ADGRG6: variants seen among roughly 807,000 people sequenced by gnomAD.
ADGRG6 encodes adhesion G protein-coupled receptor G6.
Under a neutral mutation model 142.4 loss-of-function variants are expected in ADGRG6, and 84 were observed. The ratio of observed to expected loss-of-function variants is 0.59; its 90% CI spans 0.49 to 0.71. The LOEUF is 0.71. Among genes scored for constraint, ADGRG6 ranks in the 30% least tolerant of loss-of-function variants. The pLI is 0.00. For synonymous variants in ADGRG6, 521 were observed against 520.5 expected (o/e 1.00, Z -0.01); for missense variants, 1,367 against 1,466.6 (o/e 0.93, Z 1.11).
intron 22 of ADGRG6, among the ~76,000 whole-genome samples, chr6:142,432,732 G>A (rs1777273584): frequency 6.6e-6 from 1 of 152,094 alleles, no homozygotes; most frequent in Non-Finnish European, 1.5e-5. Context: ...TATCCTCTCT[G>A]GCTGTGCTTA....
intron 2 of ADGRG6, among the ~76,000 whole-genome samples, chr6:142,324,202 T>G (rs1017925789): frequency 2.0e-5 from 3 of 152,072 alleles, no homozygotes; most frequent in African/African-American, 4.8e-5. Context: ...GCCTTCTGTC[T>G]TCCTCTGCAA....
chr6:142,414,679 A>G (rs1040526), intron 18 of ADGRG6, among the ~76,000 whole-genome samples: 60,309 of 152,068 alleles, frequency 0.4, 13,618 homozygotes, highest in African/African-American at 0.62. Flanking sequence ...TTCTGTTGAG[A>G]GTCCTGGTGG....
At chr6:142,327,746 A>G (rs1778848617) in intron 2 of ADGRG6, among the ~76,000 whole-genome samples, 1 of 152,100 alleles carries the variant, frequency 6.6e-6, no homozygotes, top group African/African-American at 2.4e-5. Context: ...ACTTTTTTAC[A>G]AATCTTTTGA....
Position 142,436,797 on chromosome 6 carries a change from G to A in ADGRG6, c.3320-637G>A, listed in dbSNP as rs10457740. ...CTAAGATACAAATGACACAGATTTT[G>A]ATAAGCACAAGGAGTGACTATAAAT... is the stretch of plus-strand genomic sequence containing the variant. On this transcript the variant is annotated intron_variant, in intron 22 of 24. Transcript: ENST00000367609. 1.5e-3 allele frequency among the ~76,000 whole-genome samples: 235 copies of A among 152,142 alleles called. 2 individuals are homozygous for A. Among genetic ancestry groups the A allele is most frequent in the Non-Finnish European group, 2.6e-3 (180 of 68,016 alleles).
intron 4 of ADGRG6, among the ~76,000 whole-genome samples, chr6:142,377,304 C>T (rs180915212): frequency 6.6e-6 from 1 of 152,220 alleles, no homozygotes; most frequent in Admixed American, 6.5e-5. Flanking sequence ...CCAACAGGCC[C>T]TCCACCTCAC....
intron 2 of ADGRG6, among the ~76,000 whole-genome samples, chr6:142,327,618 CT>C (rs1442070273): frequency 6.6e-6 from 1 of 152,104 alleles, no homozygotes; most frequent in Non-Finnish European, 1.5e-5. Context: ...ACTTCCCTTT[CT>C]CTGCAAGAGT....
chr6:142,351,829 C>T (rs1039919919), intron 2 of ADGRG6, among the ~76,000 whole-genome samples: 1 of 152,122 alleles, frequency 6.6e-6, no homozygotes, highest in East Asian at 1.9e-4. Flanking sequence ...CTATAAGGAA[C>T]TTGAACGGAT....
intron 2 of ADGRG6, among the ~76,000 whole-genome samples, chr6:142,318,042 TTA>T (rs1331948340): frequency 1.8e-5 from 1 of 55,638 alleles, no homozygotes; most frequent in Non-Finnish European, 2.9e-5. Flanking sequence ...TAATATATAT[TTA>T]TGTTATATAT....
intron 18 of ADGRG6, among the ~76,000 whole-genome samples, chr6:142,413,786 G>C (rs1184197364): frequency 6.6e-6 from 1 of 152,110 alleles, no homozygotes; most frequent in East Asian, 1.9e-4. Context: ...CTCAGACTCT[G>C]AGCCTCTGCT....
intron 16 of ADGRG6, 98 bp from the exon 17 acceptor site, chr6:142,409,776 A>G (rs1299072900): frequency 1.2e-5 from 7 of 578,978 alleles, no homozygotes; most frequent in Admixed American, 1.0e-4. Flanking sequence ...ATACTAATCT[A>G]TTTCTTTGTG....
rs571761466 is a variant in ADGRG6 at position 142,435,586 on chromosome 6, A to G, written c.3320-1848A>G. Among the ~76,000 whole-genome samples the G allele has an allele frequency of 6.0e-4, 91 of 152,320 alleles. 1 individual carries two copies. Among genetic ancestry groups the G allele is most frequent in the Non-Finnish European group, 1.6e-4 (11 of 68,012 alleles). ...TTAACTCATGTAGACTACATGATTG[A>G]TTGATCTTGGTTACCATTCATTCCA... On this transcript the variant is annotated intron_variant, in intron 22 of 24. Coordinates refer to ENST00000367609, the MANE Select transcript of ADGRG6 (RefSeq NM_198569.3).
At chr6:142,430,668 C>T (rs934383034) in intron 22 of ADGRG6, among the ~76,000 whole-genome samples, 4 of 152,096 alleles carry the variant, frequency 2.6e-5, no homozygotes, top group African/African-American at 9.7e-5. Flanking sequence ...AACACAACCC[C>T]ATATAGTCTA....
chr6:142,343,240 G>C (rs1218890092), intron 2 of ADGRG6, among the ~76,000 whole-genome samples: 1 of 151,310 alleles, frequency 6.6e-6, no homozygotes, highest in African/African-American at 2.4e-5. Flanking sequence ...AAACTTAAAT[G>C]GTATTTACTT....
chr6:142,412,758 CA>C (rs911558491), intron 18 of ADGRG6, among the ~76,000 whole-genome samples: 2 of 152,082 alleles, frequency 1.3e-5, no homozygotes, highest in African/African-American at 4.8e-5. Flanking sequence ...GGCATTCTTT[CA>C]AAGAACACTT....
chr6:142,411,361 AGT>A lies in ADGRG6; in HGVS notation c.2493_2494del (p.Ser831ArgfsTer7). ...TGTTGCACACAGAGATTCAGATGCA[AGT>A]GAGACAGTCTGCCTGTGTAACCACT... is the stretch of plus-strand genomic sequence containing the variant. Reference protein sequence around the residue: ...GCVAHRDSDASETVCLCNHFT... With the variant: ...GCVAHRDSDAXETVCLCNHFT... On this transcript the variant is annotated frameshift_variant, in exon 18 of 25. Coordinates refer to ENST00000367609, the MANE Select transcript of ADGRG6 (RefSeq NM_198569.3). LOFTEE classifies it high-confidence loss of function. 6.2e-7 allele frequency: 1 copy of A among 1,609,206 alleles called. No individual in the cohort carries two copies. The highest frequency in any genetic ancestry group is 8.5e-7 in the Non-Finnish European group (1 of 1,175,726).
intron 2 of ADGRG6, among the ~76,000 whole-genome samples, chr6:142,340,474 G>C (rs1382756576): frequency 3.3e-5 from 5 of 152,020 alleles, no homozygotes; most frequent in African/African-American, 1.2e-4. Context: ...GAATTTAGAA[G>C]TGCTCATATG....
chr6:142,368,262 A>C (rs984291429), intron 3 of ADGRG6, among the ~76,000 whole-genome samples: 1 of 152,208 alleles, frequency 6.6e-6, no homozygotes, highest in Non-Finnish European at 1.5e-5. Flanking sequence ...ACATCATTTT[A>C]TTTTGGGTTT....
intron 1 of ADGRG6, among the ~76,000 whole-genome samples, chr6:142,307,345 T>C (rs1001574249): frequency 6.6e-6 from 1 of 151,822 alleles, no homozygotes; most frequent in Middle Eastern, 3.4e-3. Context: ...CTAAGTTTCC[T>C]TTTTTTGTGA....
rs1357154735 is a variant in ADGRG6 at position 142,423,029 on chromosome 6, A to C, written c.3319+2925A>C. Among the ~76,000 whole-genome samples the C allele has an allele frequency of 1.1e-4, 16 of 151,702 alleles. No individual in the cohort carries two copies. The South Asian group carries it at 1.3e-3, about 12-fold the overall frequency. ...ATGGGGTTGTTTGTTTTTTTCTTGT[A>C]AATGTGTTTGAGTTCATTGTAGATT... On this transcript the variant is annotated intron_variant, in intron 22 of 24. Transcript: ENST00000367609.
Sources: allele counts gnomAD v4.1 joint callset (sites outside exome capture counted in the v4.1 genomes callset), GRCh38; gene constraint gnomAD v4.1.1; transcripts MANE v1.5; gene names NCBI Gene and HGNC (gene_info 2026-07-23, HGNC 2026-07-21).